Variants in LCN12 observed in about 807,000 individuals in gnomAD.
LCN12 encodes lipocalin 12.
In LCN12, 15 loss-of-function variants were observed where a neutral mutation model predicts 23.7. That is an observed-to-expected ratio of 0.63 (90% CI 0.42 to 0.97). LCN12 has a LOEUF of 0.97. Among genes scored for constraint, LCN12 ranks in the 50% least tolerant of loss-of-function variants. The pLI is 0.00. For missense variants in LCN12, 219 were observed against 249.6 expected (o/e 0.88, Z 0.83); for synonymous variants, 116 against 111.5 (o/e 1.04, Z -0.25).
At chr9:136,955,289 T>A in intron 5 of LCN12, 82 bp from the exon 6 acceptor site, 2 of 1,555,128 alleles carry the variant, frequency 1.3e-6, no homozygotes, top group Non-Finnish European at 1.7e-6. Context: ...CTGCCCCTCC[T>A]TTGTGCCCTC....
chr9:136,954,043 C>T, intron 4 of LCN12, 79 bp downstream of exon 4: 6 of 1,557,530 alleles, frequency 3.9e-6, no homozygotes, highest in Non-Finnish European at 5.2e-6. Flanking sequence ...GACCCTGCCT[C>T]CCCACCCCGC....
chr9:136,955,720 G>T (rs1212364027), downstream of LCN12, among the ~76,000 whole-genome samples: 1 of 152,190 alleles, frequency 6.6e-6, no homozygotes, highest in Non-Finnish European at 1.5e-5. Flanking sequence ...TCGTTCCCAG[G>T]CCAAGGCCCC....
chr9:136,952,468 G>A, intron 1 of LCN12, 27 bp downstream of exon 1: 2 of 1,517,100 alleles, frequency 1.3e-6, no homozygotes, highest in Non-Finnish European at 1.8e-6. Flanking sequence ...GGAAGGAGAA[G>A]CAGCCGGCTG....
Position 136,955,365 on chromosome 9 carries a change from C to A in LCN12, c.551-6C>A, listed in dbSNP as rs775689017. The A allele has an allele frequency of 4.3e-6, 7 of 1,613,042 alleles. No individual in the cohort carries two copies. The highest frequency in any genetic ancestry group is 4.0e-5 in the African/African-American group (3 of 74,878). On this transcript the variant is annotated splice_polypyrimidine_tract_variant and splice_region_variant and intron_variant, in intron 5 of 5. Coordinates refer to ENST00000371633, the MANE Select transcript of LCN12 (RefSeq NM_178536.4). ...TCCTCCATCCCGACTCCATCTCCCC[C>A]ACCAGGCTGGTCACCCCAGGCCAGC...
At chr9:136,949,245 G>T (rs1210385591), upstream of LCN12, among the ~76,000 whole-genome samples, 1 of 152,164 alleles carries the variant, frequency 6.6e-6, no homozygotes, top group Non-Finnish European at 1.5e-5. Context: ...TAAAAAAAAA[G>T]TTTTTTCATC....
At chr9:136,954,968 A>G (rs1332794491) in intron 5 of LCN12, 17 of 1,293,808 alleles carry the variant, frequency 1.3e-5, no homozygotes, top group Non-Finnish European at 1.5e-5. Flanking sequence ...ATGCCTCCAC[A>G]TGCGAACACC....
upstream of LCN12, among the ~76,000 whole-genome samples, chr9:136,949,307 C>CAGGA (rs939055103): frequency 2.0e-5 from 3 of 152,238 alleles, no homozygotes; most frequent in Non-Finnish European, 4.4e-5. Flanking sequence ...CCTGCGGGGT[C>CAGGA]AGGAGTCCAG....
chr9:136,954,129 C>T, intron 4 of LCN12, 25 bp from the exon 5 acceptor site: 2 of 1,534,290 alleles, frequency 1.3e-6, no homozygotes, highest in South Asian at 1.3e-5. Flanking sequence ...GTGCACAGAC[C>T]CATGCTGGGC....
chr9:136,955,182 A>C, intron 5 of LCN12, 189 bp from the exon 6 acceptor site: 1 of 1,418,592 alleles, frequency 7.0e-7, no homozygotes, highest in African/African-American at 1.4e-5. Context: ...GCTGTGGGCC[A>C]CATCTTCTGC....
rs1304910707 is a variant in LCN12, at chr9:136,954,787, C to T, written c.550+532C>T. The stretch of plus-strand genomic sequence containing the variant: ...GCCCCAGCCTGACCACTCAGACAGC[C>T]GCGGCCCCCAAGGCCTGACTCTTCT... On this transcript the variant is annotated intron_variant, in intron 5 of 5. Transcript: ENST00000371633. The T allele has an allele frequency of 3.9e-6, 5 of 1,290,406 alleles. No individual in the cohort carries two copies. The East Asian group carries it at 1.7e-4, about 43-fold the overall frequency. The allele number at this position is 1,290,406 out of a possible 1,614,324, so 79.9% of individuals were successfully genotyped here. A position where few individuals can be genotyped will look rare whatever the true frequency, so the allele number is the denominator to read the frequency against.
intron 1 of LCN12, 125 bp from the exon 2 acceptor site, chr9:136,952,767 G>C: frequency 8.5e-7 from 1 of 1,171,844 alleles, no homozygotes; most frequent in Non-Finnish European, 1.2e-6. Context: ...CCCTGGCGCC[G>C]GCCCAGCCAG....
At position 136,953,081 on chromosome 9, in the gene LCN12, G is replaced by A. The variant is rs770786335; in HGVS notation, c.251+53G>A. The A allele has an allele frequency of 3.7e-6, 6 of 1,603,904 alleles. No individual in the cohort carries two copies. In the Admixed American group the frequency reaches 6.7e-5, roughly 18 times the overall value. On this transcript the variant is annotated intron_variant, in intron 2 of 5. Coordinates refer to ENST00000371633, the MANE Select transcript of LCN12 (RefSeq NM_178536.4). ...CGGGTGAGGAGGATCCCGGGCCTGG[G>A]TCCCAGCCGCCAGTGGCTCAGGTGC... is the stretch of plus-strand genomic sequence containing the variant.
At chr9:136,952,763 C>A in intron 1 of LCN12, 129 bp from the exon 2 acceptor site, 2 of 1,108,442 alleles carry the variant, frequency 1.8e-6, no homozygotes, top group Non-Finnish European at 2.5e-6. Context: ...GTGTCCCTGG[C>A]GCCGGCCCAG....
At chr9:136,954,917 C>G (rs144424549) in intron 5 of LCN12, 1 of 1,230,706 alleles carries the variant, frequency 8.1e-7, no homozygotes, top group Non-Finnish European at 1.0e-6. Context: ...TAACCACATG[C>G]ACACACACTC....
upstream of LCN12, among the ~76,000 whole-genome samples, chr9:136,951,648 C>T (rs374655491): frequency 1.1e-4 from 17 of 152,310 alleles, no homozygotes; most frequent in African/African-American, 2.6e-4. Flanking sequence ...GCAGAGACTG[C>T]GTTTAAAATG....
At chr9:136,954,728 T>G (rs1354131775) in intron 5 of LCN12, 1 of 1,290,478 alleles carries the variant, frequency 7.7e-7, no homozygotes, top group African/African-American at 1.5e-5. Context: ...TCCCAGGAGG[T>G]GCCCTGGACC....
chr9:136,955,257 C>G, intron 5 of LCN12, 114 bp from the exon 6 acceptor site: 2 of 1,511,592 alleles, frequency 1.3e-6, no homozygotes, highest in South Asian at 1.3e-5. Context: ...CTTTCTCCCT[C>G]CTGCTTCTCA....
chr9:136,954,767 A>G, intron 5 of LCN12: 1 of 1,291,208 alleles, frequency 7.7e-7, no homozygotes, highest in Non-Finnish European at 1.0e-6. Flanking sequence ...TGGCAGCCCC[A>G]GCCTGACCAC....
chr9:136,952,865 C>A, intron 1 of LCN12, 27 bp from the exon 2 acceptor site: 1 of 1,599,502 alleles, frequency 6.3e-7, no homozygotes, highest in South Asian at 1.1e-5. Flanking sequence ...TGCCCACCGC[C>A]GCCCCTGCCC....
Sources: allele counts gnomAD v4.1 joint callset (sites outside exome capture counted in the v4.1 genomes callset), GRCh38; gene constraint gnomAD v4.1.1; transcripts MANE v1.5; gene names NCBI Gene and HGNC (gene_info 2026-07-23, HGNC 2026-07-21).